Variants in SYNE2 observed in about 807,000 individuals in gnomAD.
SYNE2 encodes nesprin-2.
In SYNE2, 431 loss-of-function variants were observed where a neutral mutation model predicts 856.3. The observed-to-expected ratio is 0.50, with a 90% CI of 0.47 to 0.55. The LOEUF (loss-of-function observed/expected upper bound fraction) is 0.55, where lower values mean the gene tolerates loss of function less well. Ranked by LOEUF, SYNE2 falls within the 20% of genes least tolerant of loss-of-function variation. The pLI is 0.00. For missense variants in SYNE2, 8,129 were observed against 8,023.2 expected (o/e 1.01, Z -0.50); for synonymous variants, 2,923 against 2,872.3 (o/e 1.02, Z -0.56).
chr14:64,193,957 C>A (rs1303563587), intron 99 of SYNE2, among the ~76,000 whole-genome samples: 1 of 152,182 alleles, frequency 6.6e-6, no homozygotes, highest in Non-Finnish European at 1.5e-5. Flanking sequence ...CTGCCCGGGA[C>A]AGGAATGTGC....
chr14:64,204,958 C>A (rs1370697261), intron 100 of SYNE2, among the ~76,000 whole-genome samples: 1 of 152,140 alleles, frequency 6.6e-6, no homozygotes, highest in Non-Finnish European at 1.5e-5. Flanking sequence ...ACCCACATTG[C>A]TTGGCTCACA....
intron 21 of SYNE2, among the ~76,000 whole-genome samples, chr14:63,991,897 G>A (rs1247386922): frequency 6.6e-6 from 1 of 152,132 alleles, no homozygotes; most frequent in African/African-American, 2.4e-5. Flanking sequence ...TTTATGAAAG[G>A]GCGCCCTATA....
At chr14:64,040,067 C>G (rs1349662469) in intron 45 of SYNE2, among the ~76,000 whole-genome samples, 1 of 152,076 alleles carries the variant, frequency 6.6e-6, no homozygotes, top group African/African-American at 2.4e-5. Flanking sequence ...CAGGTCTAGC[C>G]AAGAAATTAA....
At position 63,997,318 on chromosome 14, in the gene SYNE2, C is replaced by A; in HGVS notation, c.3170C>A (p.Ser1057Tyr). 1 of 1,613,472 alleles carries A rather than the reference C, an allele frequency of 6.2e-7. No homozygotes were observed. The highest frequency in any genetic ancestry group is 1.1e-5 in the South Asian group (1 of 90,852). ...TSKNEGTITT[S>Y]ENRGGDPHSE... is the part of the protein sequence containing the mutation. ...CTTTCTAGGGGGACCATCACCACAT[C>A]TGAGAATAGAGGAGGGGATCCCCAC... The change falls in exon 25 of 116, where the codon TCT becomes TAT. Residue 1057 changes from serine (S) to tyrosine (Y), a missense_variant. By Grantham distance (144) the Ser-to-Tyr change is moderately radical (BLOSUM62 -2). Around this residue, in one of 3 missense-constraint regions of SYNE2, gnomAD observed 2,422 missense variants for 2,357.4 expected, o/e 1.03. Transcript: ENST00000555002.
chr14:63,890,969 C>T (rs556454905), intron 1 of SYNE2, among the ~76,000 whole-genome samples: 10 of 152,306 alleles, frequency 6.6e-5, no homozygotes, highest in African/African-American at 1.9e-4. Context: ...CCTGGCAAGT[C>T]GTAAGCACTC....
intron 1 of SYNE2, among the ~76,000 whole-genome samples, chr14:63,896,524 C>T (rs1032227769): frequency 4.3e-4 from 66 of 152,276 alleles, no homozygotes; most frequent in African/African-American, 1.4e-3. Context: ...TTTGTAAATG[C>T]GTGGCGGAGA....
At chr14:64,119,892 G>T (rs1385794265) in intron 67 of SYNE2, among the ~76,000 whole-genome samples, 1 of 152,170 alleles carries the variant, frequency 6.6e-6, no homozygotes, top group Non-Finnish European at 1.5e-5. Context: ...TCTAGTGTAA[G>T]GCTTCTTCGT....
At chr14:64,075,910 T>G (rs908359528) in intron 53 of SYNE2, 35 bp from the exon 54 acceptor site, 5 of 1,611,786 alleles carry the variant, frequency 3.1e-6, no homozygotes, top group Non-Finnish European at 4.2e-6. Flanking sequence ...TTTCCCCCAG[T>G]CTCGTGAGTA....
chr14:64,065,318 G>C (rs2097350544), intron 50 of SYNE2, 114 bp from the exon 51 acceptor site: 1 of 902,656 alleles, frequency 1.1e-6, no homozygotes, highest in African/African-American at 1.7e-5. Flanking sequence ...GGTGGATCAT[G>C]CAATACTTAT....
intron 84 of SYNE2, among the ~76,000 whole-genome samples, chr14:64,147,546 A>C (rs1595837732): frequency 6.6e-6 from 1 of 152,312 alleles, no homozygotes; most frequent in Non-Finnish European, 1.5e-5. Flanking sequence ...GCCACGGAAC[A>C]AGGTCGAAAT....
intron 7 of SYNE2, among the ~76,000 whole-genome samples, chr14:63,953,527 TAGATAGAG>T (rs899139718): frequency 2.4e-4 from 16 of 67,384 alleles, no homozygotes; most frequent in Non-Finnish European, 4.0e-4. Context: ...GATAAATAGA[TAGATAGAG>T]AGAGAGAGAG....
intron 1 of SYNE2, among the ~76,000 whole-genome samples, chr14:63,888,695 A>C (rs552959321): frequency 5.9e-5 from 9 of 152,326 alleles, no homozygotes; most frequent in Non-Finnish European, 1.2e-4. Context: ...AAATGAATGA[A>C]AGCTAAACAG....
chr14:64,208,400 G>A (rs947712525), intron 100 of SYNE2, among the ~76,000 whole-genome samples: 1 of 152,198 alleles, frequency 6.6e-6, no homozygotes, highest in African/African-American at 2.4e-5. Context: ...CTTTGGGGTT[G>A]GGTGGTATGG....
chr14:64,108,796 A>G (rs1465401741), intron 65 of SYNE2, among the ~76,000 whole-genome samples: 1 of 142,806 alleles, frequency 7.0e-6, no homozygotes, highest in Non-Finnish European at 1.6e-5. Context: ...GACAAATGTC[A>G]GAGGTTTACA....
intron 63 of SYNE2, 126 bp downstream of exon 63, chr14:64,098,947 T>C: frequency 1.1e-6 from 1 of 935,692 alleles, no homozygotes; most frequent in Non-Finnish European, 1.7e-6. Flanking sequence ...TTTAAAAGTA[T>C]GATTGAAGTA....
chr14:64,186,437 C>A lies in SYNE2; in HGVS notation c.17570C>A (p.Ser5857Tyr), dbSNP rs1189890502. The A allele has an allele frequency of 6.2e-6, 10 of 1,614,074 alleles. No homozygotes were observed. In the Admixed American group the frequency reaches 1.2e-4, roughly 19 times the overall value. ...EKELIKELEQ[S>Y]LASWTQNLKE... ...GATTAAATGCAGGAACTAGAACAGT[C>A]TTTGGCTAGCTGGACTCAGAACTTG... Residue 5857 changes from serine (S) to tyrosine (Y), a missense_variant, in exon 97 of 116, where the codon TCT becomes TAT. Coordinates refer to ENST00000555002, the MANE Select transcript of SYNE2 (RefSeq NM_182914.3).
intron 8 of SYNE2, among the ~76,000 whole-genome samples, chr14:63,956,694 A>T (rs1453764180): frequency 1.3e-5 from 2 of 152,194 alleles, no homozygotes; most frequent in Non-Finnish European, 2.9e-5. Flanking sequence ...ATATTTGGAA[A>T]AAAAAAAGCA....
chr14:64,099,877 C>A (rs2097706915), intron 63 of SYNE2: 1 of 152,064 alleles, frequency 6.6e-6, no homozygotes, highest in Admixed American at 6.6e-5. Flanking sequence ...TTAGGTATAT[C>A]TCCCAATGCT....
intron 1 of SYNE2, among the ~76,000 whole-genome samples, chr14:63,904,588 T>G (rs779842132): frequency 1.2e-4 from 19 of 152,184 alleles, no homozygotes; most frequent in Non-Finnish European, 8.8e-5. Flanking sequence ...AAGCATTTTT[T>G]CATGTTAGTT....
Sources: gnomAD v4.1 joint callset for allele counts (sites outside exome capture counted in the v4.1 genomes callset) on GRCh38, gnomAD v4.1.1 for gene constraint, gnomAD v4.1.1 regional missense constraint, MANE v1.5 for transcripts, NCBI Gene and HGNC (gene_info 2026-07-23, HGNC 2026-07-21) for gene names.